Variants in SPG7 observed in about 807,000 individuals in gnomAD.
SPG7 encodes SPG7 matrix AAA peptidase subunit, paraplegin.
A neutral mutation model predicts 81.9 loss-of-function variants in SPG7; 103 were observed. That is an observed-to-expected ratio of 1.26 (90% confidence interval 1.07 to 1.48). SPG7 has a LOEUF of 1.48. SPG7 is among the 40% of genes most tolerant of loss of function. The pLI, the probability that SPG7 is intolerant of heterozygous loss-of-function variation, is 0.00. For synonymous variants in SPG7, 534 were observed against 444.2 expected (o/e 1.20, Z -2.54); for missense variants, 1,241 against 1,087.3 (o/e 1.14, Z -1.99).
At chr16:89,524,615 T>G (rs1431162903) in intron 4 of SPG7, among the ~76,000 whole-genome samples, 1 of 151,978 alleles carries the variant, frequency 6.6e-6, no homozygotes, top group East Asian at 1.9e-4. Flanking sequence ...GGCTAATTTT[T>G]GTAGTTCTAG....
Position 89,508,465 on chromosome 16 carries a change from C to A in SPG7, c.48C>A (p.Gly16=). 1 of 1,508,098 alleles carries A rather than the reference C, an allele frequency of 6.6e-7. No individual in the cohort carries two copies. Among genetic ancestry groups the A allele is most frequent in the Non-Finnish European group, 8.8e-7 (1 of 1,135,364 alleles). The allele number at this position is 1,508,098 out of a possible 1,614,324, so 93.4% of individuals were successfully genotyped here. ...TCCGTGCCCTCCGCCGGGGTCCAGG[C>A]CCGGGTCCTCGGCCGCTGTGGGGCC... The part of the protein sequence containing the change: ...LLLRALRRGP[G]PGPRPLWGPG... The change falls in exon 1 of 17, where the codon GGC becomes GGA. Residue 16 remains glycine, a synonymous_variant. Transcript: ENST00000645818.
At chr16:89,554,837 G>C in intron 16 of SPG7, 1 of 403,112 alleles carries the variant, frequency 2.5e-6, no homozygotes, top group Non-Finnish European at 4.5e-6. Flanking sequence ...TGTCAGTTTT[G>C]TTTAATCTTT....
At chr16:89,510,664 C>CT in intron 2 of SPG7, 72 bp downstream of exon 2, 1 of 945,554 alleles carries the variant, frequency 1.1e-6, no homozygotes, top group Non-Finnish European at 1.7e-6. Context: ...GGAGGCTGAT[C>CT]TTTTTTTATT....
chr16:89,546,912 G>A (rs2058571710), intron 11 of SPG7, 152 bp downstream of exon 11: 2 of 673,904 alleles, frequency 3.0e-6, no homozygotes, highest in South Asian at 1.5e-5. Flanking sequence ...GAGCTGATGT[G>A]TATGTGGGGC....
chr16:89,548,326 C>A, intron 12 of SPG7: 3 of 508,568 alleles, frequency 5.9e-6, no homozygotes, highest in Admixed American at 3.7e-5. Flanking sequence ...AGACGCTCGT[C>A]CAACAGAAAT....
At chr16:89,520,550 C>G (rs1178244664) in intron 3 of SPG7, 4 of 153,092 alleles carry the variant, frequency 2.6e-5, no homozygotes, top group Admixed American at 2.0e-4. Context: ...GCGCGTGGTA[C>G]CACGCCCAGC....
In SPG7 at chr16:89,508,570, C is replaced by A. The variant is rs779856515; in HGVS notation, c.153C>A (p.Asp51Glu). 2.7e-6 allele frequency: 4 copies of A among 1,491,864 alleles called. No homozygotes were observed. In the Middle Eastern group the frequency reaches 9.4e-4, roughly 350 times the overall value. The allele number at this position is 1,491,864 out of a possible 1,614,324, so 92.4% of individuals were successfully genotyped here. A position where few individuals can be genotyped will look rare whatever the true frequency, so the allele number is the denominator to read the frequency against. ...ACATGGCCAGCAGGCCTCCGGGGGA[C>A]CTCGCCGAGGCTGGAGGCCGAGCTC... ...RPYMASRPPG[D>E]LAEAGGRALQ... The change falls in exon 1 of 17, where the codon GAC becomes GAA. Residue 51 changes from aspartate to glutamate, a missense_variant. Coordinates refer to ENST00000645818, the MANE Select transcript of SPG7 (RefSeq NM_003119.4).
chr16:89,546,310 G>A (rs2058562519), intron 10 of SPG7: 1 of 337,468 alleles, frequency 3.0e-6, no homozygotes, highest in Admixed American at 4.1e-5. Context: ...GCCCACTTCA[G>A]CCTCCCAAAG....
rs2058624417 is a variant in SPG7 at position 89,550,585 on chromosome 16, G to A, written c.1755G>A (p.Leu585=). The stretch of plus-strand genomic sequence containing the variant: ...GCCACGCCTTGGTGGGCTGGATGCT[G>A]GAGCACACGGAGGCCGTGATGAAGG... ...ESGHALVGWM[L]EHTEAVMKVS... The change falls in exon 13 of 17, where the codon CTG becomes CTA. Residue 585 remains leucine (L), a synonymous_variant. Transcript: ENST00000645818. 1 of 1,613,496 alleles carries A rather than the reference G, an allele frequency of 6.2e-7. No homozygotes were observed. The highest frequency in any genetic ancestry group is 8.5e-7 in the Non-Finnish European group (1 of 1,179,662).
At chr16:89,546,044 C>T (rs1307586132) in intron 10 of SPG7, 4 of 357,904 alleles carry the variant, frequency 1.1e-5, no homozygotes, top group African/African-American at 8.7e-5. Context: ...GGTGTCAAAC[C>T]CCTGGCCTCA....
chr16:89,555,758 G>C (rs2058681635), intron 16 of SPG7: 1 of 397,902 alleles, frequency 2.5e-6, no homozygotes, highest in South Asian at 1.4e-4. Context: ...TTGTCCCTGG[G>C]TTTGGTAACT....
intron 1 of SPG7, among the ~76,000 whole-genome samples, 156 bp from the exon 2 acceptor site, chr16:89,510,334 G>C (rs990843032): frequency 6.6e-6 from 1 of 152,132 alleles, no homozygotes; most frequent in African/African-American, 2.4e-5. Context: ...CTAAAGCTTT[G>C]ACCTATTGCT....
chr16:89,528,380 A>G (rs1230702045), intron 5 of SPG7, among the ~76,000 whole-genome samples: 1 of 145,024 alleles, frequency 6.9e-6, no homozygotes, highest in African/African-American at 2.5e-5. Context: ...TGACAGAGCC[A>G]GACTCCATCT....
At chr16:89,529,274 G>C in intron 5 of SPG7, 1 of 620,924 alleles carries the variant, frequency 1.6e-6, no homozygotes. Flanking sequence ...GACCATTTGG[G>C]AAGCTTTCAT....
At chr16:89,518,315 A>G (rs772919380) in intron 3 of SPG7, 1 of 152,220 alleles carries the variant, frequency 6.6e-6, no homozygotes, top group Non-Finnish European at 1.5e-5. Flanking sequence ...CCCGAAAAGT[A>G]TTTGCTTGGA....
At chr16:89,554,056 G>C in intron 15 of SPG7, 96 bp downstream of exon 15, 1 of 1,349,718 alleles carries the variant, frequency 7.4e-7, no homozygotes, top group South Asian at 1.2e-5. Context: ...CGCCCCAGCG[G>C]AGCTCAGCTG....
intron 7 of SPG7, chr16:89,531,634 A>T: frequency 2.1e-6 from 1 of 472,382 alleles, no homozygotes; most frequent in South Asian, 2.1e-5. Context: ...TCAGCCTCCC[A>T]AAATGTTGGA....
At position 89,524,094 on chromosome 16, in the gene SPG7, G is replaced by GAAT. The variant is rs760075114; in HGVS notation, c.466_468dup (p.Asn156dup). ...TCATCGCGGTTGTCATGAGCCTCCTGAATGCTCTCAGCACCAGCGGAGGCA... is the reference window on the plus strand; with the variant it reads ...TCATCGCGGTTGTCATGAGCCTCCTGAATAATGCTCTCAGCACCAGCGGAGGCA... On this transcript the variant is annotated inframe_insertion, in exon 4 of 17. Coordinates refer to ENST00000645818, the MANE Select transcript of SPG7 (RefSeq NM_003119.4). The GAAT allele has an allele frequency of 2.5e-6, 4 of 1,614,048 alleles. No individual in the cohort carries two copies. The highest frequency in any genetic ancestry group is 3.3e-5 in the Admixed American group (2 of 60,024).
Position 89,510,489 on chromosome 16 carries a change from G to C in SPG7, c.184-1G>C. 7.3e-7 allele frequency: 1 copy of C among 1,369,734 alleles called. No homozygotes were observed. The allele number at this position is 1,369,734 out of a possible 1,614,324, so 84.8% of individuals were successfully genotyped here. ...CAGTATTGTTTTTTTTTTTTTTTCAGAGCTTACAATTGAGACTGCTAACCC... is the reference window on the plus strand; with the variant it reads ...CAGTATTGTTTTTTTTTTTTTTTCACAGCTTACAATTGAGACTGCTAACCC... On this transcript the variant is annotated splice_acceptor_variant, in intron 1 of 16. Transcript: ENST00000645818. LOFTEE classifies it high-confidence loss of function.
Sources: gnomAD v4.1 joint callset for allele counts (sites outside exome capture counted in the v4.1 genomes callset) on GRCh38, gnomAD v4.1.1 for gene constraint, MANE v1.5 for transcripts, NCBI Gene and HGNC (gene_info 2026-07-23, HGNC 2026-07-21) for gene names.